The following NUP153 variants were observed in gnomAD, a reference collection of about 807,000 sequenced individuals.
NUP153 encodes nucleoporin 153, also known as nuclear pore complex protein Nup153.
Under a neutral mutation model 134.6 loss-of-function variants are expected in NUP153, and 27 were observed. That is an observed-to-expected ratio of 0.20 (90% CI 0.15 to 0.28). The LOEUF is 0.28. Ranked by LOEUF, NUP153 falls within the 10% of genes least tolerant of loss-of-function variation. The probability of loss-of-function intolerance (pLI) is 1.00; values close to 1 mark genes in which losing one functional copy is unlikely to be tolerated. For missense variants in NUP153, 1,821 were observed against 1,731.3 expected, an observed-to-expected ratio of 1.05 and a Z score of -0.92; for synonymous variants, 640 against 623.5, an observed-to-expected ratio of 1.03 and a Z score of -0.40.
At chr6:17,696,519 G>A (rs1769653976) in intron 1 of NUP153, among the ~76,000 whole-genome samples, 1 of 152,158 alleles carries the variant, frequency 6.6e-6, no homozygotes, top group African/African-American at 2.4e-5. Flanking sequence ...ACTTTGAGAG[G>A]CCGAGGCGGG....
intron 1 of NUP153, among the ~76,000 whole-genome samples, chr6:17,699,492 A>AG (rs1554148226): frequency 1.3e-5 from 2 of 150,146 alleles, no homozygotes; most frequent in Non-Finnish European, 3.0e-5. Flanking sequence ...AAAAAAAAAA[A>AG]AAAAAGAAAA....
Position 17,675,155 on chromosome 6 carries a change from GAAA to G in NUP153, c.723+71_723+73del, listed in dbSNP as rs11418400. 3.6e-5 allele frequency: 47 copies of G among 1,290,934 alleles called. No homozygotes were observed. Among genetic ancestry groups the G allele is most frequent in the South Asian group, 5.8e-5 (4 of 69,094 alleles). 80.0% of individuals were successfully genotyped at this position (1,290,934 alleles called of 1,614,324 possible). A position where few individuals can be genotyped will look rare whatever the true frequency, so the allele number is the denominator to read the frequency against. On this transcript the variant is annotated intron_variant, in intron 4 of 21. Coordinates refer to ENST00000262077, the MANE Select transcript of NUP153 (RefSeq NM_005124.4). The surrounding 1 kb of genome is among the most constrained non-coding windows in gnomAD (Gnocchi z 4.4). Reference sequence around the variant, plus strand: ...GCAACAGCAAAAGACTCTTGTCTCAGAAAAAAAAAAAAAAATTATAAGCAATAA... The same window carrying G: ...GCAACAGCAAAAGACTCTTGTCTCAGAAAAAAAAAAAATTATAAGCAATAA...
At position 17,615,685 on chromosome 6, in the gene NUP153, A is replaced by C. The variant is rs1233968330; in HGVS notation, c.*412T>G. 3 of 156,652 alleles carry C rather than the reference A, an allele frequency of 1.9e-5. No individual in the cohort carries two copies. The East Asian group carries it at 6.2e-4, about 32-fold the overall frequency. The allele number at this position is 156,652 out of a possible 1,614,324, so 9.7% of individuals were successfully genotyped here. A position where few individuals can be genotyped will look rare whatever the true frequency, so the allele number is the denominator to read the frequency against. On this transcript the variant is annotated 3_prime_UTR_variant, in exon 22 of 22. Coordinates refer to ENST00000262077, the MANE Select transcript of NUP153 (RefSeq NM_005124.4). This position sits in a 1 kb window ranked among gnomAD's most constrained non-coding sequence, Gnocchi z 5.7. ...CGTTTCAACACTCTCTAATCTATAC[A>C]GAATTCTAATCTATACAGAATTCCT...
intron 1 of NUP153, among the ~76,000 whole-genome samples, chr6:17,697,617 G>C (rs1769738822): frequency 1.3e-5 from 2 of 152,138 alleles, no homozygotes; most frequent in African/African-American, 4.8e-5. Context: ...GAACCCAGGA[G>C]GCAGAGGTTG....
intron 17 of NUP153, among the ~76,000 whole-genome samples, chr6:17,632,359 C>G (rs778683985): frequency 6.6e-6 from 1 of 151,912 alleles, no homozygotes; most frequent in East Asian, 1.9e-4. Context: ...AACAGTTCAC[C>G]TAGGGGGCTA....
intron 14 of NUP153, among the ~76,000 whole-genome samples, chr6:17,643,289 T>A (rs923671491): frequency 6.6e-6 from 1 of 152,140 alleles, no homozygotes; most frequent in Admixed American, 6.5e-5. Context: ...CCTGGCAACA[T>A]GACGAAACCC....
At position 17,625,635 on chromosome 6, in the gene NUP153, C is replaced by T. The variant is rs572278419; in HGVS notation, c.3901+173G>A. Among the ~76,000 whole-genome samples, 5 of 152,350 alleles carry T rather than the reference C, an allele frequency of 3.3e-5. No individual in the cohort carries two copies. The South Asian group carries it at 6.2e-4, about 19-fold the overall frequency. On this transcript the variant is annotated intron_variant, in intron 19 of 21. Transcript: ENST00000262077. The surrounding 1 kb of genome is among the most constrained non-coding windows in gnomAD (Gnocchi z 4.7). The stretch of plus-strand genomic sequence containing the variant: ...GAGGTAAATATGTTAAAGTTGAACA[C>T]AGAGAGTGTACATTATTCCATACAG...
chr6:17,616,375 C>T (rs1449897551), intron 21 of NUP153, 152 bp downstream of exon 21: 5 of 817,200 alleles, frequency 6.1e-6, no homozygotes, highest in Non-Finnish European at 9.4e-6. Context: ...TAATATAATC[C>T]TCCAGAATTA....
intron 11 of NUP153, among the ~76,000 whole-genome samples, chr6:17,659,979 C>T (rs1192550703): frequency 2.0e-5 from 3 of 152,104 alleles, no homozygotes; most frequent in African/African-American, 7.2e-5. Flanking sequence ...AAAGACAGAG[C>T]CTCCAGACCA....
rs1369854782 is a variant in NUP153, at chr6:17,675,773, TAAAAG to T, written c.335-8_335-4del. 1.2e-6 allele frequency: 2 copies of T among 1,612,330 alleles called. No homozygotes were observed. Among genetic ancestry groups the T allele is most frequent in the South Asian group, 1.1e-5 (1 of 91,050 alleles). ...AGCAGTACTAGTTGTTGAAGGTTCT[TAAAAG>T]AAAAGCATTAATATTATGAATATAC... On this transcript the variant is annotated splice_polypyrimidine_tract_variant and splice_region_variant and intron_variant, in intron 2 of 21. Coordinates refer to ENST00000262077, the MANE Select transcript of NUP153 (RefSeq NM_005124.4). The surrounding 1 kb of genome is among the most constrained non-coding windows in gnomAD (Gnocchi z 4.4).
At chr6:17,666,413 G>C (rs940346850) in intron 8 of NUP153, among the ~76,000 whole-genome samples, 3 of 152,102 alleles carry the variant, frequency 2.0e-5, no homozygotes, top group African/African-American at 4.8e-5. Flanking sequence ...TATTCAGGAG[G>C]CTGAGGCAGG....
In NUP153 at chr6:17,629,079, C is replaced by G. The variant is rs746775504; in HGVS notation, c.3120G>C (p.Val1040=). The G allele has an allele frequency of 2.5e-6, 4 of 1,614,158 alleles. No homozygotes were observed. Among genetic ancestry groups the G allele is most frequent in the Non-Finnish European group, 3.4e-6 (4 of 1,180,006 alleles). Reference sequence around the variant, plus strand: ...TGAAGCTGCTCTTGTTCTCAGAGGTCACTATGGTGTTAGCAGGAGCAGGGG... The same window carrying G: ...TGAAGCTGCTCTTGTTCTCAGAGGTGACTATGGTGTTAGCAGGAGCAGGGG... ...NSTPAPANTI[V]TSENKSSFNL... The change falls in exon 18 of 22, where the codon GTG becomes GTC. Residue 1040 remains valine, a synonymous_variant. Coordinates refer to ENST00000262077, the MANE Select transcript of NUP153 (RefSeq NM_005124.4).
chr6:17,669,120 C>A (rs1234093430), intron 7 of NUP153, 92 bp from the exon 8 acceptor site: 3 of 1,112,400 alleles, frequency 2.7e-6, no homozygotes, highest in Non-Finnish European at 3.8e-6. Flanking sequence ...ACTCTGTCGC[C>A]CAGGCTGGAG....
chr6:17,705,510 T>C (rs1310017803), intron 1 of NUP153, among the ~76,000 whole-genome samples: 1 of 139,156 alleles, frequency 7.2e-6, no homozygotes, highest in African/African-American at 2.7e-5. Flanking sequence ...GTGTATGAGA[T>C]CAGAGCTGGA....
At chr6:17,650,864 G>C (rs1368317382) in intron 11 of NUP153, among the ~76,000 whole-genome samples, 3 of 152,206 alleles carry the variant, frequency 2.0e-5, no homozygotes, top group South Asian at 2.1e-4. Context: ...AAATGCCAGG[G>C]AAGACAGGTA....
chr6:17,668,637 G>A (rs571182888), intron 8 of NUP153, among the ~76,000 whole-genome samples: 38 of 152,118 alleles, frequency 2.5e-4, no homozygotes, highest in African/African-American at 8.7e-4. Flanking sequence ...GAGCTCAGGA[G>A]TTTGAGACCA....
chr6:17,688,580 A>G lies in NUP153; in HGVS notation c.150T>C (p.Ile50=). 2 of 1,613,926 alleles carry G rather than the reference A, an allele frequency of 1.2e-6. No individual in the cohort carries two copies. The highest frequency in any genetic ancestry group is 1.6e-4 in the Middle Eastern group (1 of 6,062). ...LSRVTESVKN[I]VPGWLQRYFN... The stretch of plus-strand genomic sequence containing the variant: ...AGTATCTTTGTAGCCACCCTGGCAC[A>G]ATATTCTTAACAGATTCTGTAACCC... The change falls in exon 2 of 22, where the codon ATT becomes ATC. Residue 50 remains isoleucine, a synonymous_variant. Coordinates refer to ENST00000262077, the MANE Select transcript of NUP153 (RefSeq NM_005124.4).
At chr6:17,700,939 T>C (rs1770016930) in intron 1 of NUP153, among the ~76,000 whole-genome samples, 1 of 152,148 alleles carries the variant, frequency 6.6e-6, no homozygotes, top group Admixed American at 6.5e-5. Flanking sequence ...TTTTTAAAAA[T>C]AGCTAAGCAG....
intron 14 of NUP153, among the ~76,000 whole-genome samples, chr6:17,643,735 T>C (rs557993805): frequency 6.6e-6 from 1 of 152,240 alleles, no homozygotes; most frequent in Admixed American, 6.5e-5. Context: ...GAACCAACGG[T>C]GTCAAAGTGA....
Sources: allele counts gnomAD v4.1 joint callset (sites outside exome capture counted in the v4.1 genomes callset), GRCh38; gene constraint gnomAD v4.1.1; non-coding constraint Gnocchi (gnomAD v3.1); transcripts MANE v1.5; gene names NCBI Gene and HGNC (gene_info 2026-07-23, HGNC 2026-07-21).